The following PPFIA2 variants were observed in gnomAD, a reference collection of about 807,000 sequenced individuals.
PPFIA2 encodes liprin-alpha-2.
In PPFIA2, 46 loss-of-function variants were observed where a neutral mutation model predicts 175.5. The observed-to-expected ratio is 0.26, with a 90% CI of 0.21 to 0.34. The LOEUF (loss-of-function observed/expected upper bound fraction) is 0.34. Ranked by LOEUF, PPFIA2 falls within the 10% of genes least tolerant of loss-of-function variation. The probability of loss-of-function intolerance (pLI) is 1.00; values close to 1 mark genes in which losing one functional copy is unlikely to be tolerated. For synonymous variants in PPFIA2, 568 were observed against 511.4 expected (o/e 1.11, Z -1.49); for missense variants, 1,179 against 1,506.1 (o/e 0.78, Z 3.60).
At position 81,533,353 on chromosome 12, in the gene PPFIA2, C is replaced by T. The variant is rs1482320877; in HGVS notation, c.304-75487G>A. Among the ~76,000 whole-genome samples the T allele has an allele frequency of 2.6e-5, 4 of 151,700 alleles. No individual in the cohort carries two copies. In the East Asian group the frequency reaches 7.8e-4, roughly 29 times the overall value. On this transcript the variant is annotated intron_variant, in intron 4 of 32. Coordinates refer to ENST00000549396, the MANE Select transcript of PPFIA2 (RefSeq NM_003625.5). ...GATTGTATAATTTATCAAATTTATG[C>T]ATATATTTTTAAATAGTTTGTATAT...
intron 4 of PPFIA2, among the ~76,000 whole-genome samples, chr12:81,467,524 A>T (rs1389908117): frequency 2.6e-5 from 4 of 152,334 alleles, no homozygotes; most frequent in Non-Finnish European, 5.9e-5. Flanking sequence ...CCCTGTCTCC[A>T]ATAAAATACA....
At chr12:81,559,957 C>T (rs1391534512) in intron 4 of PPFIA2, among the ~76,000 whole-genome samples, 1 of 152,072 alleles carries the variant, frequency 6.6e-6, no homozygotes, top group Non-Finnish European at 1.5e-5. Context: ...TGTGGGCTGA[C>T]ACATGTGGCC....
At chr12:81,516,519 T>G (rs1010545687) in intron 4 of PPFIA2, among the ~76,000 whole-genome samples, 3 of 152,104 alleles carry the variant, frequency 2.0e-5, no homozygotes, top group Non-Finnish European at 2.9e-5. Context: ...AGTGATTTGG[T>G]TGGGTCCTAA....
At chr12:81,673,276 C>G (rs1054810624) in intron 4 of PPFIA2, among the ~76,000 whole-genome samples, 1 of 152,054 alleles carries the variant, frequency 6.6e-6, no homozygotes, top group African/African-American at 2.4e-5. Flanking sequence ...AGATACATAA[C>G]AGAGTTCATG....
chr12:81,379,121 AT>A (rs887693656), intron 9 of PPFIA2, among the ~76,000 whole-genome samples: 1 of 152,132 alleles, frequency 6.6e-6, no homozygotes, highest in African/African-American at 2.4e-5. Context: ...CATGTGGGAG[AT>A]TCAATTTTTA....
At chr12:81,385,122 C>A (rs1376813535) in intron 8 of PPFIA2, among the ~76,000 whole-genome samples, 1 of 152,036 alleles carries the variant, frequency 6.6e-6, no homozygotes, top group African/African-American at 2.4e-5. Context: ...ATACCAACAA[C>A]GCATCAGGAA....
intron 4 of PPFIA2, among the ~76,000 whole-genome samples, chr12:81,651,789 ATT>A (rs571527324): frequency 2.6e-3 from 390 of 152,240 alleles, no homozygotes; most frequent in Non-Finnish European, 4.1e-3. Context: ...CTCTTGGGTC[ATT>A]TCTTAGGACT....
chr12:81,336,357 A>C (rs2057134938), intron 21 of PPFIA2, among the ~76,000 whole-genome samples: 1 of 152,180 alleles, frequency 6.6e-6, no homozygotes, highest in South Asian at 2.1e-4. Flanking sequence ...CTAGTAATAC[A>C]TTAGTAAGAA....
chr12:81,644,046 A>G (rs2153521722), intron 4 of PPFIA2, among the ~76,000 whole-genome samples: 1 of 152,122 alleles, frequency 6.6e-6, no homozygotes, highest in African/African-American at 2.4e-5. Flanking sequence ...GTTTTTTTGA[A>G]TTAAATTCCA....
chr12:81,362,851 T>C, intron 14 of PPFIA2, 67 bp from the exon 15 acceptor site: 1 of 944,334 alleles, frequency 1.1e-6, no homozygotes. Context: ...TAAATGAGTC[T>C]TAATGATTTT....
chr12:81,445,522 G>A lies in PPFIA2; in HGVS notation c.570+34C>T, dbSNP rs760990242. The A allele has an allele frequency of 6.3e-6, 10 of 1,592,988 alleles. No individual in the cohort carries two copies. The South Asian group carries it at 1.0e-4, about 16-fold the overall frequency. ...AGAGCTTGATGCTGATGACAGAAGTGTAGTTAAGCTTGAACTCTTTTTCCA... is the reference window on the plus strand; with the variant it reads ...AGAGCTTGATGCTGATGACAGAAGTATAGTTAAGCTTGAACTCTTTTTCCA... On this transcript the variant is annotated intron_variant, in intron 6 of 32. Transcript: ENST00000549396.
intron 4 of PPFIA2, among the ~76,000 whole-genome samples, chr12:81,543,168 C>G (rs928725206): frequency 6.6e-6 from 1 of 152,038 alleles, no homozygotes; most frequent in South Asian, 2.1e-4. Context: ...TAACACCATT[C>G]TCCAATAAAA....
chr12:81,693,268 G>A (rs1237218870), intron 3 of PPFIA2, among the ~76,000 whole-genome samples: 2 of 152,046 alleles, frequency 1.3e-5, no homozygotes, highest in Non-Finnish European at 2.9e-5. Context: ...CCCCAGTGTT[G>A]GAGGTGGGGT....
chr12:81,338,126 G>A lies in PPFIA2; in HGVS notation c.2548+1054C>T, dbSNP rs190551035. Among the ~76,000 whole-genome samples the A allele has an allele frequency of 4.6e-5, 7 of 152,148 alleles. No homozygotes were observed. In the East Asian group the frequency reaches 9.7e-4, roughly 21 times the overall value. ...TCATAAATCTGCAAACATGAATATC[G>A]CAATCAGAAATTCTTTTGATGGTAG... On this transcript the variant is annotated intron_variant, in intron 21 of 32. Transcript: ENST00000549396.
At chr12:81,358,434 T>C (rs776893112) in intron 15 of PPFIA2, among the ~76,000 whole-genome samples, 2 of 152,160 alleles carry the variant, frequency 1.3e-5, no homozygotes, top group African/African-American at 4.8e-5. Flanking sequence ...AAGTGCACTT[T>C]CTTCTTTTAG....
At chr12:81,327,175 A>G (rs1000511875) in intron 21 of PPFIA2, among the ~76,000 whole-genome samples, 1 of 152,100 alleles carries the variant, frequency 6.6e-6, no homozygotes, top group Middle Eastern at 3.2e-3. Flanking sequence ...GAACTATATA[A>G]TTTTTTAAAA....
At chr12:81,375,541 T>G (rs2036166282) in intron 10 of PPFIA2, among the ~76,000 whole-genome samples, 1 of 152,182 alleles carries the variant, frequency 6.6e-6, no homozygotes, top group Non-Finnish European at 1.5e-5. Context: ...GAAAACTGTT[T>G]AGCACAGATT....
intron 4 of PPFIA2, among the ~76,000 whole-genome samples, chr12:81,586,593 C>T (rs2075335519): frequency 6.6e-6 from 1 of 151,502 alleles, no homozygotes; most frequent in Admixed American, 6.6e-5. Flanking sequence ...ATATGGTAAA[C>T]TTCAAAATGA....
At chr12:81,754,965 T>C (rs1384912362) in intron 2 of PPFIA2, among the ~76,000 whole-genome samples, 1 of 152,202 alleles carries the variant, frequency 6.6e-6, no homozygotes, top group Non-Finnish European at 1.5e-5. Flanking sequence ...CTGAGGTATA[T>C]AAATTTGTTT....
Sources: gnomAD v4.1 joint callset for allele counts (sites outside exome capture counted in the v4.1 genomes callset) on GRCh38, gnomAD v4.1.1 for gene constraint, MANE v1.5 for transcripts, NCBI Gene and HGNC (gene_info 2026-07-23, HGNC 2026-07-21) for gene names.